Variants in RPS6KA5 observed in about 807,000 individuals in gnomAD.
RPS6KA5 encodes the protein ribosomal protein S6 kinase alpha-5.
A neutral mutation model predicts 85.5 loss-of-function variants in RPS6KA5; 27 were observed. The observed-to-expected ratio is 0.32, with a 90% CI of 0.23 to 0.44. The LOEUF (loss-of-function observed/expected upper bound fraction) is 0.44. RPS6KA5 is among the 20% of genes least tolerant of loss of function. RPS6KA5 has a pLI of 1.00. For synonymous variants in RPS6KA5, 334 were observed against 348.2 expected, an observed-to-expected ratio of 0.96 and a Z score of 0.46; for missense variants, 811 against 980.9, an observed-to-expected ratio of 0.83 and a Z score of 2.31.
At chr14:90,893,825 AT>A in intron 13 of RPS6KA5, 1 of 196,996 alleles carries the variant, frequency 5.1e-6, no homozygotes, top group Non-Finnish European at 9.2e-6. Context: ...GAGTTAGAAC[AT>A]TCTTTATTAG....
At chr14:90,900,858 AATTTT>A in intron 9 of RPS6KA5, 122 bp from the exon 10 acceptor site, 1 of 766,664 alleles carries the variant, frequency 1.3e-6, no homozygotes, top group East Asian at 2.8e-5. Flanking sequence ...AGATGAGTCT[AATTTT>A]ATTTTATTTG....
chr14:90,920,089 A>G, intron 7 of RPS6KA5, 117 bp downstream of exon 7: 2 of 747,522 alleles, frequency 2.7e-6, no homozygotes, highest in Non-Finnish European at 4.9e-6. Flanking sequence ...TTACCACATA[A>G]ACATCACTTT....
intron 14 of RPS6KA5, among the ~76,000 whole-genome samples, chr14:90,885,658 C>T (rs1455647925): frequency 2.4e-5 from 3 of 123,050 alleles, no homozygotes; most frequent in African/African-American, 9.4e-5. Flanking sequence ...AGGAGAATGG[C>T]GTGAACCTAG....
chr14:90,885,240 A>G (rs1420445436), intron 14 of RPS6KA5, among the ~76,000 whole-genome samples: 2 of 143,500 alleles, frequency 1.4e-5, no homozygotes, highest in African/African-American at 5.2e-5. Context: ...GCAACAGAGC[A>G]GGATCTTGTC....
intron 3 of RPS6KA5, among the ~76,000 whole-genome samples, chr14:90,964,267 G>A (rs189279127): frequency 2.0e-5 from 3 of 152,178 alleles, no homozygotes; most frequent in East Asian, 3.9e-4. Flanking sequence ...AGCCTTGGGC[G>A]CCTTTTTTTA....
At chr14:90,893,771 GA>G (rs946927922) in intron 13 of RPS6KA5, among the ~76,000 whole-genome samples, 2 of 151,818 alleles carry the variant, frequency 1.3e-5, no homozygotes, top group African/African-American at 4.8e-5. Flanking sequence ...TTTCTAAAAG[GA>G]GGGAATTTTC....
At chr14:91,031,026 G>T (rs1422279074) in intron 1 of RPS6KA5, among the ~76,000 whole-genome samples, 2 of 151,914 alleles carry the variant, frequency 1.3e-5, no homozygotes, top group Non-Finnish European at 2.9e-5. Context: ...AGTTTTAATG[G>T]GCATACTCAG....
intron 1 of RPS6KA5, among the ~76,000 whole-genome samples, chr14:91,034,087 A>G (rs560568320): frequency 1.3e-5 from 2 of 152,116 alleles, no homozygotes; most frequent in Non-Finnish European, 2.9e-5. Context: ...CAGGCAAATC[A>G]CCTGAGCCAC....
chr14:91,018,829 G>A (rs1173784197), intron 1 of RPS6KA5, among the ~76,000 whole-genome samples: 3 of 152,034 alleles, frequency 2.0e-5, no homozygotes, highest in Non-Finnish European at 4.4e-5. Context: ...GTGTGTGCCA[G>A]TTCTCCCTAA....
At chr14:90,899,599 T>C (rs1383254565) in intron 11 of RPS6KA5, among the ~76,000 whole-genome samples, 177 bp from the exon 12 acceptor site, 1 of 152,192 alleles carries the variant, frequency 6.6e-6, no homozygotes, top group Non-Finnish European at 1.5e-5. Context: ...AAAAGTAATA[T>C]TCTGGAGAAA....
In RPS6KA5 at chr14:91,025,205, C is replaced by T. The variant is rs147287064; in HGVS notation, c.104-24046G>A. On this transcript the variant is annotated intron_variant, in intron 1 of 16. Transcript: ENST00000614987. ...GACTACAGGCGCCTGCCACCATGCTCGGCTAATTTTTGTATTTTTAGTAGA... is the reference window on the plus strand; with the variant it reads ...GACTACAGGCGCCTGCCACCATGCTTGGCTAATTTTTGTATTTTTAGTAGA... 7.5e-3 allele frequency among the ~76,000 whole-genome samples: 1,146 copies of T among 152,242 alleles called. 13 individuals are homozygous for T. Among genetic ancestry groups the T allele is most frequent in the Middle Eastern group, 0.017 (5 of 294 alleles).
chr14:91,042,536 G>C (rs1412194123), intron 1 of RPS6KA5, among the ~76,000 whole-genome samples: 1 of 151,936 alleles, frequency 6.6e-6, no homozygotes, highest in Non-Finnish European at 1.5e-5. Context: ...TTGAAGACCA[G>C]AATCACAATT....
chr14:91,028,889 T>G lies in RPS6KA5; in HGVS notation c.104-27730A>C, dbSNP rs940874428. The stretch of plus-strand genomic sequence containing the variant: ...TTTATATACATAGAGGTATTTATCT[T>G]CATATAGGCCTAGATATCATTAATT... On this transcript the variant is annotated intron_variant, in intron 1 of 16. Transcript: ENST00000614987. Among the ~76,000 whole-genome samples, 13 of 152,212 alleles carry G rather than the reference T, an allele frequency of 8.5e-5. 1 individual carries two copies. Among genetic ancestry groups the G allele is most frequent in the Admixed American group, 2.6e-4 (4 of 15,278 alleles).
chr14:90,892,678 T>C (rs999168046), intron 13 of RPS6KA5, among the ~76,000 whole-genome samples: 6 of 152,230 alleles, frequency 3.9e-5, no homozygotes, highest in African/African-American at 1.4e-4. Flanking sequence ...ATTCTGCCTA[T>C]GCAGAAAATG....
At chr14:91,020,614 T>TTGTGTGTGTGTGTGTGTGTG (rs71117396) in intron 1 of RPS6KA5, among the ~76,000 whole-genome samples, 4 of 91,272 alleles carry the variant, frequency 4.4e-5, no homozygotes, top group East Asian at 3.7e-4. Flanking sequence ...ATATATCCTA[T>TTGTGTGTGTGTGTGTGTGTG]TGTGTGTGTG....
At chr14:90,895,834 G>A (rs2034807712) in intron 12 of RPS6KA5, among the ~76,000 whole-genome samples, 1 of 152,152 alleles carries the variant, frequency 6.6e-6, no homozygotes, top group Non-Finnish European at 1.5e-5. Context: ...AGGCTGCAGG[G>A]AGCCGTCACT....
chr14:90,849,165 T>G lies in RPS6KA5; in HGVS notation c.*22909A>C, dbSNP rs1439390093. ...CGCGCAGGCACCTTGGTGGTCTGAATCTAATAGATGCCACTCTCAAATTCT... is the reference window on the plus strand; with the variant it reads ...CGCGCAGGCACCTTGGTGGTCTGAAGCTAATAGATGCCACTCTCAAATTCT... On this transcript the variant is annotated 3_prime_UTR_variant, in exon 17 of 17. Coordinates refer to ENST00000614987, the MANE Select transcript of RPS6KA5 (RefSeq NM_004755.4). 2 of 152,224 alleles carry G rather than the reference T, an allele frequency of 1.3e-5. No homozygotes were observed. Among genetic ancestry groups the G allele is most frequent in the Admixed American group, 1.3e-4 (2 of 15,282 alleles). The allele number at this position is 152,224 out of a possible 1,614,324, so 9.4% of individuals were successfully genotyped here. A position where few individuals can be genotyped will look rare whatever the true frequency, so the allele number is the denominator to read the frequency against.
At chr14:90,978,548 A>G (rs1566818719) in intron 2 of RPS6KA5, 24 bp from the exon 3 acceptor site, 1 of 1,534,222 alleles carries the variant, frequency 6.5e-7, no homozygotes, top group African/African-American at 1.4e-5. Flanking sequence ...GAAAAAATAA[A>G]AAGAATTAAA....
chr14:90,899,262 C>A (rs537021681), intron 12 of RPS6KA5, 67 bp downstream of exon 12: 1 of 1,104,648 alleles, frequency 9.1e-7, no homozygotes, highest in Admixed American at 2.1e-5. Context: ...CAACAAAACG[C>A]GTGAAAAGTA....
Sources: allele counts gnomAD v4.1 joint callset (sites outside exome capture counted in the v4.1 genomes callset), GRCh38; gene constraint gnomAD v4.1.1; transcripts MANE v1.5; gene names NCBI Gene and HGNC (gene_info 2026-07-23, HGNC 2026-07-21).